LAMC3: variants seen among roughly 807,000 people sequenced by gnomAD.
The protein encoded by LAMC3 is laminin subunit gamma-3.
A neutral mutation model predicts 173.8 loss-of-function variants in LAMC3; 128 were observed. That is an observed-to-expected ratio of 0.74 (90% CI 0.64 to 0.85). LAMC3 has a LOEUF of 0.85. Among genes scored for constraint, LAMC3 ranks in the 40% least tolerant of loss-of-function variants. LAMC3 has a pLI of 0.00. For missense variants in LAMC3, 2,022 were observed against 2,156.0 expected, an observed-to-expected ratio of 0.94 and a Z score of 1.23; for synonymous variants, 897 against 909.1, an observed-to-expected ratio of 0.99 and a Z score of 0.24.
chr9:131,091,227 G>A (rs995631123), intron 27 of LAMC3, among the ~76,000 whole-genome samples: 1 of 152,244 alleles, frequency 6.6e-6, no homozygotes, highest in Non-Finnish European at 1.5e-5. Context: ...TTTTGTAAAT[G>A]AGTAAACTAA....
intron 23 of LAMC3, 86 bp from the exon 24 acceptor site, chr9:131,081,973 T>C (rs1355390308): frequency 1.0e-5 from 9 of 898,268 alleles, no homozygotes; most frequent in Admixed American, 1.9e-5. Flanking sequence ...TGGGCACCCA[T>C]GTATGTGGGT....
At chr9:131,036,478 G>A (rs1833947867) in intron 4 of LAMC3, 146 bp downstream of exon 4, 2 of 902,390 alleles carry the variant, frequency 2.2e-6, no homozygotes, top group Non-Finnish European at 3.5e-6. Flanking sequence ...GCAGAGATAA[G>A]GACGAGCAGA....
intron 1 of LAMC3, among the ~76,000 whole-genome samples, chr9:131,025,455 C>T (rs552567604): frequency 6.6e-6 from 1 of 152,158 alleles, no homozygotes; most frequent in South Asian, 2.1e-4. Flanking sequence ...GATCCTCCAG[C>T]TGGGTGTCGG....
At chr9:131,057,169 C>G in intron 12 of LAMC3, 22 bp downstream of exon 12, 1 of 1,599,492 alleles carries the variant, frequency 6.3e-7, no homozygotes, top group Non-Finnish European at 8.6e-7. Context: ...GGCACCCCAT[C>G]CGAAGGCACC....
At chr9:131,028,505 G>A (rs113484212) in intron 2 of LAMC3, among the ~76,000 whole-genome samples, 3,074 of 152,324 alleles carry the variant, frequency 0.02, 29 homozygotes, top group Non-Finnish European at 0.034. Context: ...TTCTGTCAGC[G>A]ATGTGCAGCA....
chr9:131,049,661 G>T (rs753578128), intron 9 of LAMC3, among the ~76,000 whole-genome samples: 1 of 152,138 alleles, frequency 6.6e-6, no homozygotes, highest in Non-Finnish European at 1.5e-5. Context: ...TGAAACCCCC[G>T]TTTTTCTGGT....
chr9:131,017,454 G>A (rs993657020), intron 1 of LAMC3, among the ~76,000 whole-genome samples: 1 of 152,050 alleles, frequency 6.6e-6, no homozygotes, highest in Non-Finnish European at 1.5e-5. Context: ...GGCCGGGTGC[G>A]GTCCTTACGC....
At chr9:131,079,496 C>T (rs1830197740) in intron 23 of LAMC3, among the ~76,000 whole-genome samples, 198 bp downstream of exon 23, 1 of 152,128 alleles carries the variant, frequency 6.6e-6, no homozygotes, top group Non-Finnish European at 1.5e-5. Flanking sequence ...AGATTGAGAC[C>T]ATCCTGGCTA....
Position 131,057,217 on chromosome 9 carries a change from G to T in LAMC3, c.2158+70G>T. 14 of 1,349,760 alleles carry T rather than the reference G, an allele frequency of 1.0e-5. 1 individual carries two copies. The South Asian group carries it at 1.5e-4, about 15-fold the overall frequency. The allele number at this position is 1,349,760 out of a possible 1,614,324, so 83.6% of individuals were successfully genotyped here. A position where few individuals can be genotyped will look rare whatever the true frequency, so the allele number is the denominator to read the frequency against. Reference sequence around the variant, plus strand: ...AAAACAGCGGGATGAGTACTGACCTGAACAGGGCCAGCCTGGCACAGGCAT... The same window carrying T: ...AAAACAGCGGGATGAGTACTGACCTTAACAGGGCCAGCCTGGCACAGGCAT... On this transcript the variant is annotated intron_variant, in intron 12 of 27. Transcript: ENST00000361069.
intron 27 of LAMC3, among the ~76,000 whole-genome samples, chr9:131,089,383 T>A (rs1043209407): frequency 2.6e-5 from 4 of 152,078 alleles, no homozygotes; most frequent in Non-Finnish European, 4.4e-5. Context: ...TTTGTACTTT[T>A]AAAATTTTTT....
At chr9:131,013,885 CTTGGCTCCG>C (rs1833469892) in intron 1 of LAMC3, among the ~76,000 whole-genome samples, 1 of 152,232 alleles carries the variant, frequency 6.6e-6, no homozygotes, top group Non-Finnish European at 1.5e-5. Flanking sequence ...TCTCCTGAGC[CTTGGCTCCG>C]TTCTGTCTTC....
intron 8 of LAMC3, among the ~76,000 whole-genome samples, chr9:131,045,907 C>T (rs563060396): frequency 2.6e-5 from 4 of 152,296 alleles, no homozygotes; most frequent in African/African-American, 7.2e-5. Context: ...GGGTACGTGA[C>T]GCTTTTTGGA....
intron 27 of LAMC3, among the ~76,000 whole-genome samples, chr9:131,090,672 C>G (rs1368057292): frequency 6.6e-6 from 1 of 152,148 alleles, no homozygotes; most frequent in Non-Finnish European, 1.5e-5. Context: ...GGGTGGATCA[C>G]TGGAGGTCAG....
intron 12 of LAMC3, among the ~76,000 whole-genome samples, chr9:131,059,764 G>A (rs528799061): frequency 6.6e-6 from 1 of 152,300 alleles, no homozygotes; most frequent in African/African-American, 2.4e-5. Context: ...GCTCAGCTTG[G>A]GCAAGTCCTC....
At chr9:131,049,949 A>G (rs1834248344) in intron 9 of LAMC3, among the ~76,000 whole-genome samples, 1 of 152,218 alleles carries the variant, frequency 6.6e-6, no homozygotes, top group South Asian at 2.1e-4. Flanking sequence ...AGGACCTGCC[A>G]GCACCCCCGA....
Position 131,052,896 on chromosome 9 carries a change from C to G in LAMC3, c.1870C>G (p.His624Asp). Reference sequence around the variant, plus strand: ...CGTGGCCCCTCCACTGCCCCCCTTCCACTTCCAGCGGCTCCTCGCCAACCT... The same window carrying G: ...CGTGGCCCCTCCACTGCCCCCCTTCGACTTCCAGCGGCTCCTCGCCAACCT... Reference protein sequence around the residue: ...EDVAPPLPPFHFQRLLANLTS... With the variant: ...EDVAPPLPPFDFQRLLANLTS... Residue 624 changes from histidine to aspartate, a missense_variant, in exon 11 of 28, where the codon CAC becomes GAC. Physicochemically the swap from His to Asp is moderately conservative, Grantham distance 81. Coordinates refer to ENST00000361069, the MANE Select transcript of LAMC3 (RefSeq NM_006059.4). The G allele has an allele frequency of 6.2e-7, 1 of 1,614,036 alleles. No homozygotes were observed. The highest frequency in any genetic ancestry group is 8.5e-7 in the Non-Finnish European group (1 of 1,180,000).
At chr9:131,037,705 C>G (rs77205842) in intron 4 of LAMC3, among the ~76,000 whole-genome samples, 1,691 of 152,342 alleles carry the variant, frequency 0.011, 13 homozygotes, top group Non-Finnish European at 0.017. Context: ...GTTGCCCAGG[C>G]TGGTCTTTAC....
intron 8 of LAMC3, among the ~76,000 whole-genome samples, chr9:131,047,931 C>T (rs1006951937): frequency 7.5e-5 from 4 of 53,070 alleles, no homozygotes. Flanking sequence ...ATTTTTTTAG[C>T]AGAGACGGGG....
chr9:131,064,525 A>T (rs1439927409), intron 13 of LAMC3, among the ~76,000 whole-genome samples: 2 of 151,734 alleles, frequency 1.3e-5, no homozygotes, highest in South Asian at 2.1e-4. Flanking sequence ...TAGCCGGGCG[A>T]GGTGGCGGGC....
Sources: gnomAD v4.1 joint callset for allele counts (sites outside exome capture counted in the v4.1 genomes callset) on GRCh38, gnomAD v4.1.1 for gene constraint, MANE v1.5 for transcripts, NCBI Gene and HGNC (gene_info 2026-07-23, HGNC 2026-07-21) for gene names.